Variants in MBD5 observed in about 807,000 individuals in gnomAD.
MBD5 encodes the protein methyl-CpG-binding domain protein 5.
MBD5 carries 13 observed loss-of-function variants against 117.3 expected under a neutral mutation model. The ratio of observed to expected loss-of-function variants is 0.11; its 90% CI spans 0.07 to 0.18. The LOEUF (loss-of-function observed/expected upper bound fraction) is 0.18. MBD5 is among the 10% of genes least tolerant of loss of function. The probability of loss-of-function intolerance (pLI) is 1.00; values close to 1 mark genes in which losing one functional copy is unlikely to be tolerated. For missense variants in MBD5, 1,879 were observed against 2,093.8 expected, an observed-to-expected ratio of 0.90 and a Z score of 2.00; for synonymous variants, 727 against 766.4, an observed-to-expected ratio of 0.95 and a Z score of 0.85.
intron 3 of MBD5, among the ~76,000 whole-genome samples, chr2:148,327,721 G>A (rs1368113919): frequency 2.0e-5 from 3 of 151,790 alleles, no homozygotes; most frequent in South Asian, 2.1e-4. Flanking sequence ...CTCCGTATTG[G>A]TTATTCTAGT....
intron 4 of MBD5, among the ~76,000 whole-genome samples, chr2:148,344,765 C>G (rs1703044673): frequency 6.6e-6 from 1 of 151,748 alleles, no homozygotes; most frequent in Admixed American, 6.6e-5. Context: ...AATTTTTATG[C>G]CAGTAAATAT....
chr2:148,024,349 T>C (rs759071984), intron 1 of MBD5, among the ~76,000 whole-genome samples: 2 of 152,236 alleles, frequency 1.3e-5, no homozygotes, highest in Non-Finnish European at 2.9e-5. Context: ...CTTACTGTTG[T>C]ATTAAGGGCC....
At chr2:148,241,766 A>G (rs1700221248) in intron 3 of MBD5, among the ~76,000 whole-genome samples, 1 of 152,040 alleles carries the variant, frequency 6.6e-6, no homozygotes, top group Non-Finnish European at 1.5e-5. Context: ...TTGCCCAGTG[A>G]TGTTATCTTC....
At chr2:148,457,589 A>G (rs1706924792) in intron 4 of MBD5, among the ~76,000 whole-genome samples, 1 of 152,152 alleles carries the variant, frequency 6.6e-6, no homozygotes, top group Admixed American at 6.6e-5. Context: ...TAAGGGAATT[A>G]AAAGAGCACC....
At chr2:148,164,198 A>T (rs531262978) in intron 1 of MBD5, among the ~76,000 whole-genome samples, 15 of 152,300 alleles carry the variant, frequency 9.8e-5, no homozygotes, top group African/African-American at 3.6e-4. Context: ...AGCTGTTGTA[A>T]TGTAGCCTCT....
At chr2:148,053,480 C>G (rs988547604) in intron 1 of MBD5, among the ~76,000 whole-genome samples, 1 of 151,956 alleles carries the variant, frequency 6.6e-6, no homozygotes, top group Non-Finnish European at 1.5e-5. Context: ...CTGTGTTGCT[C>G]TCTTATCCTA....
chr2:148,232,781 A>G (rs1700020079), intron 2 of MBD5, among the ~76,000 whole-genome samples: 1 of 151,804 alleles, frequency 6.6e-6, no homozygotes, highest in Admixed American at 6.6e-5. Flanking sequence ...CGTGAATGGT[A>G]TGCTATGAAT....
intron 4 of MBD5, among the ~76,000 whole-genome samples, chr2:148,391,992 C>G (rs1295264942): frequency 6.6e-6 from 1 of 152,040 alleles, no homozygotes; most frequent in African/African-American, 2.4e-5. Context: ...TTGTTGTAGC[C>G]TGCCTCCAAG....
At chr2:148,238,618 A>C (rs895329924) in intron 3 of MBD5, among the ~76,000 whole-genome samples, 1 of 152,170 alleles carries the variant, frequency 6.6e-6, no homozygotes, top group Non-Finnish European at 1.5e-5. Context: ...TAAAATAACG[A>C]AAGTTTATTC....
intron 4 of MBD5, among the ~76,000 whole-genome samples, chr2:148,434,261 TC>T (rs1706086558): frequency 6.6e-6 from 1 of 152,082 alleles, no homozygotes; most frequent in Non-Finnish European, 1.5e-5. Context: ...ATTTGGATCT[TC>T]TTTTTTCTTT....
chr2:148,489,816 G>A lies in MBD5; in HGVS notation c.4184G>A (p.Arg1395Lys), dbSNP rs760431147. The A allele has an allele frequency of 1.3e-5, 21 of 1,613,982 alleles. 1 individual carries two copies. The highest frequency in any genetic ancestry group is 3.4e-6 in the Non-Finnish European group (4 of 1,180,026). Reference protein sequence around the residue: ...VDHDGRLRNSRGARLPKNLDH... With the variant: ...VDHDGRLRNSKGARLPKNLDH... ...CATGATGGTAGGCTGAGGAATTCAA[G>A]AGGGGCTCGGCTGCCCAAGAATCTA... The change falls in exon 11 of 14, where the codon AGA becomes AAA. Residue 1395 changes from arginine (R) to lysine (K), a missense_variant. Coordinates refer to ENST00000642680, the MANE Select transcript of MBD5 (RefSeq NM_001378120.1).
chr2:148,346,642 G>A (rs1225166456), intron 4 of MBD5: 2 of 151,694 alleles, frequency 1.3e-5, no homozygotes, highest in African/African-American at 4.8e-5. Context: ...CCATTCATGA[G>A]CCATGCCAAA....
intron 1 of MBD5, among the ~76,000 whole-genome samples, chr2:148,169,932 C>T (rs893118896): frequency 1.5e-4 from 22 of 146,400 alleles, no homozygotes; most frequent in African/African-American, 5.3e-4. Flanking sequence ...GAGTCTCGCT[C>T]TGTAGCCCAG....
intron 3 of MBD5, among the ~76,000 whole-genome samples, chr2:148,267,952 CTT>C (rs764230358): frequency 1.7e-4 from 21 of 127,218 alleles, no homozygotes; most frequent in Non-Finnish European, 2.0e-4. Flanking sequence ...TCTTTTTTTT[CTT>C]TTTTTTTTTT....
At chr2:148,031,544 C>G (rs1436387065) in intron 1 of MBD5, among the ~76,000 whole-genome samples, 2 of 151,972 alleles carry the variant, frequency 1.3e-5, no homozygotes, top group African/African-American at 2.4e-5. Context: ...TTCAGAGTAG[C>G]CTGGTAAATT....
intron 3 of MBD5, among the ~76,000 whole-genome samples, chr2:148,266,037 G>A (rs1700851270): frequency 6.6e-6 from 1 of 152,068 alleles, no homozygotes; most frequent in Admixed American, 6.6e-5. Context: ...CAAGAAAAGA[G>A]GGAAAGCTTT....
chr2:148,269,163 G>T (rs1398510740), intron 3 of MBD5, among the ~76,000 whole-genome samples: 1 of 151,878 alleles, frequency 6.6e-6, no homozygotes, highest in Non-Finnish European at 1.5e-5. Context: ...AGCTTTTGTT[G>T]TAGTTGTTCA....
At position 148,447,398 on chromosome 2, in the gene MBD5, C is replaced by T. The variant is rs377646397; in HGVS notation, c.-556-10805C>T. Among the ~76,000 whole-genome samples the T allele has an allele frequency of 9.2e-5, 14 of 152,248 alleles. 1 individual carries two copies. The highest frequency in any genetic ancestry group is 7.7e-4 in the East Asian group (4 of 5,176). ...TATGGTTTTAGCTGGCTTACTGGCC[C>T]TCCTGCACACACTGGTAATGCATAA... is the stretch of plus-strand genomic sequence containing the variant. On this transcript the variant is annotated intron_variant, in intron 4 of 13. Coordinates refer to ENST00000642680, the MANE Select transcript of MBD5 (RefSeq NM_001378120.1).
intron 1 of MBD5, among the ~76,000 whole-genome samples, chr2:148,145,787 A>G (rs139540441): frequency 1.3e-5 from 2 of 152,330 alleles, no homozygotes; most frequent in East Asian, 3.9e-4. Context: ...CTTGCATCCC[A>G]GGGATGAAGC....
Sources: gnomAD v4.1 joint callset for allele counts (sites outside exome capture counted in the v4.1 genomes callset) on GRCh38, gnomAD v4.1.1 for gene constraint, MANE v1.5 for transcripts, NCBI Gene and HGNC (gene_info 2026-07-23, HGNC 2026-07-21) for gene names.